SNTG1: variants seen among roughly 807,000 people sequenced by gnomAD.
SNTG1 encodes the protein syntrophin gamma 1, also known as gamma-1-syntrophin.
A neutral mutation model predicts 74.7 loss-of-function variants in SNTG1; 39 were observed. That is an observed-to-expected ratio of 0.52 (90% CI 0.40 to 0.68). The LOEUF (loss-of-function observed/expected upper bound fraction) is 0.68. SNTG1 is among the 30% of genes least tolerant of loss of function. The pLI, the probability that SNTG1 is intolerant of heterozygous loss-of-function variation, is 0.00. For synonymous variants in SNTG1, 254 were observed against 217.1 expected, an observed-to-expected ratio of 1.17 and a Z score of -1.49; for missense variants, 685 against 609.5, an observed-to-expected ratio of 1.12 and a Z score of -1.30.
At chr8:49,971,598 T>C (rs188784279) in intron 1 of SNTG1, among the ~76,000 whole-genome samples, 62 of 152,278 alleles carry the variant, frequency 4.1e-4, no homozygotes, top group African/African-American at 1.4e-3. Flanking sequence ...GATGAAATGA[T>C]TGTATATCTG....
chr8:50,489,718 G>A (rs2093833281), intron 8 of SNTG1, among the ~76,000 whole-genome samples: 1 of 152,124 alleles, frequency 6.6e-6, no homozygotes, highest in African/African-American at 2.4e-5. Context: ...CTCCCATTCT[G>A]TAGGTTGCCT....
At chr8:50,142,205 T>G (rs971012227) in intron 1 of SNTG1, among the ~76,000 whole-genome samples, 1 of 152,238 alleles carries the variant, frequency 6.6e-6, no homozygotes, top group African/African-American at 2.4e-5. Flanking sequence ...CATACATTTC[T>G]TAAACACTTC....
At chr8:50,043,550 A>C (rs993748328) in intron 1 of SNTG1, among the ~76,000 whole-genome samples, 1 of 152,162 alleles carries the variant, frequency 6.6e-6, no homozygotes, top group Admixed American at 6.5e-5. Flanking sequence ...GCAGGAGTAA[A>C]CTGTGAGTTC....
intron 9 of SNTG1, among the ~76,000 whole-genome samples, chr8:50,511,706 AAGTCTGTTTTATC>A (rs1466737226): frequency 1.3e-5 from 2 of 152,052 alleles, no homozygotes; most frequent in Non-Finnish European, 2.9e-5. Flanking sequence ...TGTTGGTTTA[AAGTCTGTTTTATC>A]AGAGACTAGG....
intron 13 of SNTG1, 38 bp from the exon 14 acceptor site, chr8:50,656,871 G>T: frequency 7.7e-7 from 1 of 1,303,198 alleles, no homozygotes; most frequent in South Asian, 1.3e-5. Context: ...TCTAAAATAA[G>T]AAGTTTTGAC....
At chr8:50,246,316 T>A (rs536299530) in intron 2 of SNTG1, among the ~76,000 whole-genome samples, 1 of 151,976 alleles carries the variant, frequency 6.6e-6, no homozygotes, top group East Asian at 1.9e-4. Flanking sequence ...AAAAATGGAA[T>A]TAAAAGACAA....
intron 8 of SNTG1, among the ~76,000 whole-genome samples, chr8:50,466,835 G>T (rs376352709): frequency 2.0e-5 from 3 of 151,924 alleles, no homozygotes; most frequent in Non-Finnish European, 4.4e-5. Flanking sequence ...ATTGTTTATT[G>T]TTGGTAAGTA....
At chr8:50,641,743 G>A (rs895369704) in intron 13 of SNTG1, among the ~76,000 whole-genome samples, 3 of 152,116 alleles carry the variant, frequency 2.0e-5, no homozygotes, top group African/African-American at 7.2e-5. Flanking sequence ...ACAGCTAGTC[G>A]CTTTCTTTTC....
In SNTG1 at chr8:50,104,439, T is replaced by G. The variant is rs200641593; in HGVS notation, c.-102-68122T>G. 2.9e-3 allele frequency among the ~76,000 whole-genome samples: 447 copies of G among 152,074 alleles called. 8 individuals are homozygous for G. Among genetic ancestry groups the G allele is most frequent in the Admixed American group, 0.028 (422 of 15,230 alleles). ...TTATCATTTTTTATTGCGTCTATTT[T>G]ATTCTTCTCTCTTTTCTTCTTTATT... On this transcript the variant is annotated intron_variant, in intron 1 of 18. Transcript: ENST00000642720.
intron 9 of SNTG1, among the ~76,000 whole-genome samples, chr8:50,525,235 A>C (rs1020019761): frequency 1.3e-5 from 2 of 152,144 alleles, no homozygotes; most frequent in Non-Finnish European, 1.5e-5. Flanking sequence ...TCTGCTGAGA[A>C]ATGTGTTGAT....
intron 2 of SNTG1, among the ~76,000 whole-genome samples, chr8:50,260,236 C>T (rs753886907): frequency 2.0e-5 from 3 of 152,108 alleles, no homozygotes; most frequent in Non-Finnish European, 4.4e-5. Context: ...TTCAATGTGG[C>T]AGGGGGAAGA....
intron 2 of SNTG1, among the ~76,000 whole-genome samples, chr8:50,333,044 T>G (rs2091020452): frequency 1.3e-5 from 2 of 152,362 alleles, no homozygotes; most frequent in South Asian, 2.1e-4. Flanking sequence ...TGATATATTT[T>G]CAGATATGAA....
intron 1 of SNTG1, among the ~76,000 whole-genome samples, chr8:50,142,351 G>A (rs1333357255): frequency 1.3e-5 from 2 of 151,932 alleles, no homozygotes; most frequent in African/African-American, 4.8e-5. Flanking sequence ...TTATAACAGA[G>A]GAGCTATAAA....
chr8:50,304,045 C>T (rs2130693629), intron 2 of SNTG1, among the ~76,000 whole-genome samples: 1 of 152,266 alleles, frequency 6.6e-6, no homozygotes, highest in African/African-American at 2.4e-5. Flanking sequence ...CACTCCAAAA[C>T]TCATGTTGAA....
chr8:50,162,272 G>A (rs2082442899), intron 1 of SNTG1, among the ~76,000 whole-genome samples: 1 of 152,082 alleles, frequency 6.6e-6, no homozygotes, highest in African/African-American at 2.4e-5. Context: ...CTGGCTATAA[G>A]AAAGCACCGG....
chr8:50,368,414 A>G (rs1360311664), intron 2 of SNTG1, among the ~76,000 whole-genome samples: 1 of 152,196 alleles, frequency 6.6e-6, no homozygotes, highest in Non-Finnish European at 1.5e-5. Flanking sequence ...AAGACCCAGG[A>G]CAAGGAGATT....
At chr8:50,363,342 G>A (rs770327792) in intron 2 of SNTG1, among the ~76,000 whole-genome samples, 12 of 152,172 alleles carry the variant, frequency 7.9e-5, no homozygotes, top group Non-Finnish European at 1.8e-4. Context: ...GAATCTGGGA[G>A]GTAACAGTTG....
At chr8:49,935,042 C>T (rs985608374) in intron 1 of SNTG1, among the ~76,000 whole-genome samples, 1 of 151,964 alleles carries the variant, frequency 6.6e-6, no homozygotes, top group Non-Finnish European at 1.5e-5. Context: ...CATCCCGTAC[C>T]ATAAAGGTTG....
intron 12 of SNTG1, among the ~76,000 whole-genome samples, chr8:50,570,124 T>C (rs2094538447): frequency 6.6e-6 from 1 of 151,942 alleles, no homozygotes; most frequent in Admixed American, 6.6e-5. Flanking sequence ...TTGGAAATTA[T>C]CAGCTGATTT....
Sources: gnomAD v4.1 joint callset for allele counts (sites outside exome capture counted in the v4.1 genomes callset) on GRCh38, gnomAD v4.1.1 for gene constraint, MANE v1.5 for transcripts, NCBI Gene and HGNC (gene_info 2026-07-23, HGNC 2026-07-21) for gene names.